The following PTPRN2 variants were observed in gnomAD, a reference collection of about 807,000 sequenced individuals.
PTPRN2 encodes receptor-type tyrosine-protein phosphatase N2.
PTPRN2 carries 74 observed loss-of-function variants against 118.8 expected under a neutral mutation model. The ratio of observed to expected loss-of-function variants is 0.62; its 90% CI spans 0.52 to 0.76. The LOEUF is 0.76. Among genes scored for constraint, PTPRN2 ranks in the 30% least tolerant of loss-of-function variants. PTPRN2 has a pLI of 0.00. For missense variants in PTPRN2, 1,481 were observed against 1,394.4 expected, an observed-to-expected ratio of 1.06 and a Z score of -0.99; for synonymous variants, 641 against 608.0, an observed-to-expected ratio of 1.05 and a Z score of -0.80.
At chr7:157,650,120 G>A (rs542415309) in intron 14 of PTPRN2, among the ~76,000 whole-genome samples, 8 of 152,306 alleles carry the variant, frequency 5.3e-5, no homozygotes, top group African/African-American at 1.4e-4. Context: ...GCACCTGGAC[G>A]CTCCTCCTCT....
At chr7:158,359,989 A>C (rs1808731661) in intron 2 of PTPRN2, among the ~76,000 whole-genome samples, 1 of 152,092 alleles carries the variant, frequency 6.6e-6, no homozygotes, top group Admixed American at 6.6e-5. Context: ...CAGCGTGTGA[A>C]GGGGACACGG....
intron 12 of PTPRN2, among the ~76,000 whole-genome samples, chr7:157,762,433 T>C (rs1307705170): frequency 7.3e-5 from 11 of 151,592 alleles, no homozygotes; most frequent in Admixed American, 1.3e-4. Flanking sequence ...GATGAGTTCA[T>C]GTCCTTTGTA....
intron 13 of PTPRN2, among the ~76,000 whole-genome samples, chr7:157,667,559 C>T (rs1052524933): frequency 2.1e-4 from 32 of 152,318 alleles, no homozygotes; most frequent in Admixed American, 3.9e-4. Flanking sequence ...CAGGGCTGTC[C>T]GCACTGGATG....
At chr7:157,766,358 C>T (rs1802490984) in intron 12 of PTPRN2, among the ~76,000 whole-genome samples, 1 of 151,196 alleles carries the variant, frequency 6.6e-6, no homozygotes, top group African/African-American at 2.5e-5. Context: ...CATCATCCAT[C>T]TACCCATCCA....
At chr7:157,943,495 C>T (rs953502489) in intron 11 of PTPRN2, among the ~76,000 whole-genome samples, 4 of 152,110 alleles carry the variant, frequency 2.6e-5, no homozygotes, top group African/African-American at 9.7e-5. Flanking sequence ...TCAGCCCCCA[C>T]CTCCGCCCCA....
chr7:158,029,244 G>A (rs982549466), intron 11 of PTPRN2: 3 of 151,090 alleles, frequency 2.0e-5, no homozygotes, highest in Non-Finnish European at 2.9e-5. Context: ...GTATCCTCTC[G>A]CCGGGGGCAC....
intron 3 of PTPRN2, among the ~76,000 whole-genome samples, chr7:158,306,186 T>C (rs566450615): frequency 1.3e-3 from 195 of 152,312 alleles, no homozygotes; most frequent in Non-Finnish European, 2.2e-3. Flanking sequence ...AGGTAGAGGA[T>C]AATGGTTGGG....
Position 157,540,441 on chromosome 7 carries a change from C to T in PTPRN2, c.*273G>A, listed in dbSNP as rs754825132. On this transcript the variant is annotated 3_prime_UTR_variant, in exon 23 of 23. Transcript: ENST00000389418. ...ACACAACTTCAACCAAGAAGGTGAA[C>T]GGGTGCTTTAAGAAAAAGTATTTTT... 2.5e-5 allele frequency: 8 copies of T among 322,472 alleles called. No homozygotes were observed. The highest frequency in any genetic ancestry group is 6.5e-5 in the African/African-American group (3 of 46,102). 20.0% of individuals were successfully genotyped at this position (322,472 alleles called of 1,614,324 possible).
In PTPRN2 at chr7:158,525,321, G is replaced by A. The variant is rs1234147994; in HGVS notation, c.113-35536C>T. On this transcript the variant is annotated intron_variant, in intron 1 of 22. Coordinates refer to ENST00000389418, the MANE Select transcript of PTPRN2 (RefSeq NM_002847.5). The surrounding 1 kb of genome is among the most constrained non-coding windows in gnomAD (Gnocchi z 4.1). ...CGGCCCCCTAATGTGCAACAAAACC[G>A]TGAGACCCGAGCAGAAGCTGCAGCA... is the stretch of plus-strand genomic sequence containing the variant. Among the ~76,000 whole-genome samples, 1 of 152,218 alleles carries A rather than the reference G, an allele frequency of 6.6e-6. No homozygotes were observed. The highest frequency in any genetic ancestry group is 6.5e-5 in the Admixed American group (1 of 15,288).
chr7:158,150,982 T>C (rs1020616357), intron 6 of PTPRN2, among the ~76,000 whole-genome samples: 2 of 151,834 alleles, frequency 1.3e-5, no homozygotes, highest in African/African-American at 2.4e-5. Flanking sequence ...GCAATGTCTG[T>C]TCCTCTCAGC....
At chr7:157,568,875 A>G (rs201741114) in intron 21 of PTPRN2, 27 bp downstream of exon 21, 968 of 1,533,658 alleles carry the variant, frequency 6.3e-4, no homozygotes, top group Non-Finnish European at 8.5e-4. Context: ...TCTGAGCCGC[A>G]ACAAAGCGGC....
chr7:158,483,324 C>T (rs79725364), intron 2 of PTPRN2, among the ~76,000 whole-genome samples: 1 of 152,218 alleles, frequency 6.6e-6, no homozygotes, highest in Non-Finnish European at 1.5e-5. Context: ...GGGGGTGTCT[C>T]TTGTGCCATG....
chr7:157,582,806 G>A (rs1471357270), intron 17 of PTPRN2, among the ~76,000 whole-genome samples: 1 of 151,770 alleles, frequency 6.6e-6, no homozygotes, highest in Admixed American at 6.6e-5. Flanking sequence ...CCTAGGAGGC[G>A]GAGGTTGCAG....
intron 11 of PTPRN2, among the ~76,000 whole-genome samples, chr7:157,942,549 G>A (rs1800211789): frequency 6.6e-6 from 1 of 152,080 alleles, no homozygotes; most frequent in South Asian, 2.1e-4. Flanking sequence ...TCAAGCAGGA[G>A]CGATGATCAG....
At chr7:157,988,912 G>T (rs576726609) in intron 11 of PTPRN2, among the ~76,000 whole-genome samples, 14 of 152,340 alleles carry the variant, frequency 9.2e-5, no homozygotes, top group African/African-American at 2.2e-4. Flanking sequence ...GTGACCTGAG[G>T]AAAATCAGGG....
At chr7:158,299,016 G>A (rs917736902) in intron 3 of PTPRN2, among the ~76,000 whole-genome samples, 9 of 152,276 alleles carry the variant, frequency 5.9e-5, no homozygotes, top group Non-Finnish European at 8.8e-5. Flanking sequence ...AGCTCAGCCC[G>A]TTTTCAAATC....
intron 12 of PTPRN2, among the ~76,000 whole-genome samples, chr7:157,846,336 A>G (rs898227377): frequency 2.0e-5 from 3 of 152,194 alleles, no homozygotes; most frequent in Non-Finnish European, 4.4e-5. Flanking sequence ...ACCTAAGAAC[A>G]GTCCGTTTCT....
intron 3 of PTPRN2, among the ~76,000 whole-genome samples, chr7:158,233,176 A>G (rs1829280243): frequency 6.6e-6 from 1 of 152,216 alleles, no homozygotes; most frequent in African/African-American, 2.4e-5. Context: ...TATTTATAAA[A>G]CACCAAAGAC....
chr7:157,855,077 T>G lies in PTPRN2; in HGVS notation c.1788+43596A>C, dbSNP rs537053523. Among the ~76,000 whole-genome samples the G allele has an allele frequency of 3.1e-3, 463 of 148,744 alleles. 1 individual carries two copies. The highest frequency in any genetic ancestry group is 5.2e-3 in the Admixed American group (78 of 14,944). ...GTGTGTGGGGCTGGATCGGGGAGGA[T>G]GGCTGTGCCGTTGCAGGGATGTGTG... On this transcript the variant is annotated intron_variant, in intron 12 of 22. Coordinates refer to ENST00000389418, the MANE Select transcript of PTPRN2 (RefSeq NM_002847.5).
Sources: allele counts gnomAD v4.1 joint callset (sites outside exome capture counted in the v4.1 genomes callset), GRCh38; gene constraint gnomAD v4.1.1; non-coding constraint Gnocchi (gnomAD v3.1); transcripts MANE v1.5; gene names NCBI Gene and HGNC (gene_info 2026-07-23, HGNC 2026-07-21).